Variants in MRAP2 observed in about 807,000 individuals in gnomAD.
MRAP2 encodes the protein melanocortin-2 receptor accessory protein 2.
A neutral mutation model predicts 17.4 loss-of-function variants in MRAP2; 20 were observed. That is an observed-to-expected ratio of 1.15 (90% confidence interval 0.81 to 1.67). The LOEUF (loss-of-function observed/expected upper bound fraction) is 1.67, where lower values mean the gene tolerates loss of function less well. MRAP2 is among the 40% of genes most tolerant of loss of function. The pLI is 0.00. For missense variants in MRAP2, 238 were observed against 240.0 expected (o/e 0.99, Z 0.05); for synonymous variants, 96 against 88.4 (o/e 1.09, Z -0.48).
At chr6:84,042,731 A>T (rs1285918242) in intron 1 of MRAP2, among the ~76,000 whole-genome samples, 1 of 152,178 alleles carries the variant, frequency 6.6e-6, no homozygotes, top group Non-Finnish European at 1.5e-5. Context: ...CTTGTAATTG[A>T]TTGTCCTGAG....
chr6:84,042,769 A>T (rs1305604475), intron 1 of MRAP2, among the ~76,000 whole-genome samples: 1 of 152,232 alleles, frequency 6.6e-6, no homozygotes, highest in Non-Finnish European at 1.5e-5. Flanking sequence ...AGGTGGAGAA[A>T]CCACAAGAGC....
At position 84,062,945 on chromosome 6, in the gene MRAP2, GT is replaced by G. The variant is rs758625941; in HGVS notation, c.186del (p.Phe62LeufsTer3). 1.2e-6 allele frequency: 2 copies of G among 1,614,156 alleles called. No individual in the cohort carries two copies. Among genetic ancestry groups the G allele is most frequent in the South Asian group, 1.1e-5 (1 of 91,080 alleles). ...GTCTTGCAGTCTTCGTGATTTTTAT[GT>G]TTTTTGTGCTGACCTTGCTGACCAA... ...VGLAVFVIFM[F>X]FVLTLLTKTG... On this transcript the variant is annotated frameshift_variant, in exon 3 of 4. Transcript: ENST00000257776. LOFTEE classifies it high-confidence loss of function.
chr6:84,069,874 G>A (rs1206585443), intron 3 of MRAP2, among the ~76,000 whole-genome samples: 1 of 152,030 alleles, frequency 6.6e-6, no homozygotes, highest in Non-Finnish European at 1.5e-5. Context: ...TCTAGTTTAT[G>A]TGCGTAAAGG....
chr6:84,125,379 T>C, the MRAP2 span: 2 of 901,782 alleles, frequency 2.2e-6, no homozygotes, highest in African/African-American at 3.3e-5. Context: ...TTTGGGGAAC[T>C]CAGGTAAATC....
intron 3 of MRAP2, among the ~76,000 whole-genome samples, chr6:84,074,061 C>A (rs554806108): frequency 6.6e-6 from 1 of 152,246 alleles, no homozygotes; most frequent in African/African-American, 2.4e-5. Flanking sequence ...GGGCTCAGAG[C>A]ATCCCTCAGT....
intron 2 of MRAP2, 99 bp downstream of exon 2, chr6:84,055,544 C>T: frequency 3.2e-6 from 4 of 1,256,326 alleles, no homozygotes; most frequent in Non-Finnish European, 3.3e-6. Flanking sequence ...TTCTTCTTTA[C>T]AGAACTCTCT....
the MRAP2 span, among the ~76,000 whole-genome samples, chr6:84,123,323 T>C: frequency 2.0e-5 from 3 of 148,874 alleles, no homozygotes; most frequent in Non-Finnish European, 3.0e-5. Context: ...AGGCATCACA[T>C]TGCTTGACTT....
chr6:84,097,473 A>G, the MRAP2 span, among the ~76,000 whole-genome samples: 2 of 152,164 alleles, frequency 1.3e-5, 1 homozygote, highest in Non-Finnish European at 2.9e-5. Flanking sequence ...GAGGGATTCA[A>G]ATTATCTCAG....
In MRAP2 at chr6:84,052,765, A is replaced by G. The variant is rs545150617; in HGVS notation, c.-7-2547A>G. Reference sequence around the variant, plus strand: ...CTGGTGTCACATTTCATTCTGCAGAATGAGAACCTCCTGTAGGCTGGCTCT... The same window carrying G: ...CTGGTGTCACATTTCATTCTGCAGAGTGAGAACCTCCTGTAGGCTGGCTCT... On this transcript the variant is annotated intron_variant, in intron 1 of 3. Transcript: ENST00000257776. 5.1e-6 allele frequency: 5 copies of G among 983,634 alleles called. No homozygotes were observed. The African/African-American group carries it at 8.7e-5, about 17-fold the overall frequency. The allele number at this position is 983,634 out of a possible 1,614,324, so 60.9% of individuals were successfully genotyped here.
At chr6:84,099,845 C>T in the MRAP2 span, among the ~76,000 whole-genome samples, 1 of 151,716 alleles carries the variant, frequency 6.6e-6, no homozygotes, top group African/African-American at 2.4e-5. Context: ...TAGTGTATAT[C>T]TTCTTCTTCT....
In MRAP2 at chr6:84,088,701, T is replaced by G. The variant is rs367771933; in HGVS notation, c.228-390T>G. Among the ~76,000 whole-genome samples the G allele has an allele frequency of 4.6e-5, 7 of 152,212 alleles. No homozygotes were observed. The East Asian group carries it at 1.2e-3, about 25-fold the overall frequency. On this transcript the variant is annotated intron_variant, in intron 3 of 3. Transcript: ENST00000257776. Reference sequence around the variant, plus strand: ...TTAGAGAATATATGAAAATGCTTATTACTGAGCCTACATTCACAGATTCTG... The same window carrying G: ...TTAGAGAATATATGAAAATGCTTATGACTGAGCCTACATTCACAGATTCTG...
At chr6:84,141,797 A>G in the MRAP2 span, among the ~76,000 whole-genome samples, 1 of 152,128 alleles carries the variant, frequency 6.6e-6, no homozygotes, top group African/African-American at 2.4e-5. Context: ...CCAGAGCTCC[A>G]TCATCAACTC....
At chr6:84,056,074 G>A (rs1268226458) in intron 2 of MRAP2, among the ~76,000 whole-genome samples, 1 of 152,178 alleles carries the variant, frequency 6.6e-6, no homozygotes, top group African/African-American at 2.4e-5. Flanking sequence ...GAACATCCTT[G>A]CTTCATTAGG....
the MRAP2 span, among the ~76,000 whole-genome samples, chr6:84,102,031 T>C: frequency 1.3e-5 from 2 of 151,836 alleles, no homozygotes; most frequent in Non-Finnish European, 2.9e-5. Flanking sequence ...AGACATTAGA[T>C]CTTGGATATA....
At chr6:84,137,181 T>C in the MRAP2 span, among the ~76,000 whole-genome samples, 1 of 152,224 alleles carries the variant, frequency 6.6e-6, no homozygotes, top group Admixed American at 6.5e-5. Context: ...TGAACTGCTG[T>C]GAGAATGACT....
At chr6:84,102,471 GC>G in the MRAP2 span, among the ~76,000 whole-genome samples, 1 of 152,210 alleles carries the variant, frequency 6.6e-6, no homozygotes, top group Non-Finnish European at 1.5e-5. Context: ...GGAGGCACAA[GC>G]CAAGGAATGT....
chr6:84,056,589 G>C (rs1396403540), intron 2 of MRAP2, among the ~76,000 whole-genome samples: 1 of 152,128 alleles, frequency 6.6e-6, no homozygotes. Context: ...GAAGGCTGTT[G>C]GGTGTGAAAT....
the MRAP2 span, among the ~76,000 whole-genome samples, chr6:84,121,385 T>A: frequency 6.6e-6 from 1 of 152,218 alleles, no homozygotes; most frequent in African/African-American, 2.4e-5. Flanking sequence ...GGCTCACACC[T>A]GTAATCCAAG....
the MRAP2 span, among the ~76,000 whole-genome samples, chr6:84,127,481 GC>G: frequency 6.6e-6 from 1 of 152,094 alleles, no homozygotes; most frequent in African/African-American, 2.4e-5. Context: ...GGGATGGTTT[GC>G]AGAGAGCTCA....
Sources: gnomAD v4.1 joint callset for allele counts (sites outside exome capture counted in the v4.1 genomes callset) on GRCh38, gnomAD v4.1.1 for gene constraint, MANE v1.5 for transcripts, NCBI Gene and HGNC (gene_info 2026-07-23, HGNC 2026-07-21) for gene names.